CADPS: variants seen among roughly 807,000 people sequenced by gnomAD.
The protein encoded by CADPS is calcium dependent secretion activator, also known as calcium-dependent secretion activator 1.
Under a neutral mutation model 167.3 loss-of-function variants are expected in CADPS, and 57 were observed. That is an observed-to-expected ratio of 0.34 (90% confidence interval 0.28 to 0.42). The LOEUF is 0.42. Among genes scored for constraint, CADPS ranks in the 20% least tolerant of loss-of-function variants. CADPS has a pLI of 1.00. For synonymous variants in CADPS, 676 were observed against 635.3 expected (o/e 1.06, Z -0.96); for missense variants, 1,414 against 1,738.1 (o/e 0.81, Z 3.32).
chr3:62,468,187 A>C (rs1412928199), intron 24 of CADPS, among the ~76,000 whole-genome samples: 4 of 152,174 alleles, frequency 2.6e-5, no homozygotes, highest in Non-Finnish European at 5.9e-5. Flanking sequence ...GAGCAAAAGA[A>C]TTCAGGAAAA....
intron 3 of CADPS, among the ~76,000 whole-genome samples, chr3:62,721,306 G>C (rs1171733852): frequency 6.6e-6 from 1 of 151,902 alleles, no homozygotes; most frequent in Admixed American, 6.6e-5. Context: ...ACCCCTAACT[G>C]CATGTGCCTA....
At chr3:62,674,375 G>T (rs933605684) in intron 3 of CADPS, among the ~76,000 whole-genome samples, 5 of 152,100 alleles carry the variant, frequency 3.3e-5, no homozygotes, top group African/African-American at 9.7e-5. Flanking sequence ...AGTACCTGGT[G>T]GAAACTGGGT....
chr3:62,721,112 C>T lies in CADPS; in HGVS notation c.888+32329G>A, dbSNP rs186887911. Among the ~76,000 whole-genome samples the T allele has an allele frequency of 8.2e-3, 871 of 106,324 alleles. 4 individuals are homozygous for T. The highest frequency in any genetic ancestry group is 0.013 in the Non-Finnish European group (606 of 48,036). The allele number at this position is 106,324 out of a possible 152,430, so 69.8% of individuals were successfully genotyped here. On this transcript the variant is annotated intron_variant, in intron 3 of 29. Transcript: ENST00000383710. ...AATTACAGGTGTGAGCCACCGTGCC[C>T]GGCAGGTTTTTTTTTTTTTTTTAAA...
Position 62,765,416 on chromosome 3 carries a change from G to C in CADPS, c.555+455C>G, listed in dbSNP as rs571831377. 1.2e-4 allele frequency among the ~76,000 whole-genome samples: 18 copies of C among 152,150 alleles called. No homozygotes were observed. In the South Asian group the frequency reaches 1.7e-3, roughly 14 times the overall value. ...GCAGCATTTTTAAAAAAAGAATAAGGAAGTTCATGAAGCCACCATCCTTGG... is the reference window on the plus strand; with the variant it reads ...GCAGCATTTTTAAAAAAAGAATAAGCAAGTTCATGAAGCCACCATCCTTGG... On this transcript the variant is annotated intron_variant, in intron 2 of 29. Transcript: ENST00000383710.
intron 9 of CADPS, among the ~76,000 whole-genome samples, chr3:62,563,182 A>G (rs996996522): frequency 6.6e-6 from 1 of 151,322 alleles, no homozygotes; most frequent in Non-Finnish European, 1.5e-5. Context: ...ACCAGACTAT[A>G]TCTGATAACC....
In CADPS at chr3:62,731,856, G is replaced by GGAAA. The variant is rs551510392; in HGVS notation, c.888+21581_888+21584dup. 1.5e-3 allele frequency among the ~76,000 whole-genome samples: 184 copies of GGAAA among 119,562 alleles called. No individual in the cohort carries two copies. The Middle Eastern group carries it at 0.025, about 16-fold the overall frequency. The allele number at this position is 119,562 out of a possible 152,430, so 78.4% of individuals were successfully genotyped here. On this transcript the variant is annotated intron_variant, in intron 3 of 29. Coordinates refer to ENST00000383710, the MANE Select transcript of CADPS (RefSeq NM_003716.4). ...GTAAAGAAGGAAGAAAGGAAAGAAA[G>GGAAA]GAAAGAAAGGGTAATTCGTGCTGAA...
intron 13 of CADPS, among the ~76,000 whole-genome samples, chr3:62,519,732 G>A (rs1438346360): frequency 6.6e-6 from 1 of 152,062 alleles, no homozygotes; most frequent in Non-Finnish European, 1.5e-5. Flanking sequence ...TGATTCTTCT[G>A]CCTCAGCCTC....
Position 62,578,311 on chromosome 3 carries a change from C to T in CADPS, c.1577+6874G>A, listed in dbSNP as rs148964026. 4.6e-3 allele frequency among the ~76,000 whole-genome samples: 703 copies of T among 151,416 alleles called. 1 individual carries two copies. The highest frequency in any genetic ancestry group is 0.016 in the African/African-American group (641 of 41,254). ...ATTTCATAATGTAAAAGGAGTAAGT[C>T]AATCAAGAAGACATAACAGCCGGGT... is the stretch of plus-strand genomic sequence containing the variant. On this transcript the variant is annotated intron_variant, in intron 8 of 29. Coordinates refer to ENST00000383710, the MANE Select transcript of CADPS (RefSeq NM_003716.4).
At chr3:62,403,632 A>C (rs1350859647) in intron 28 of CADPS, 1 of 152,654 alleles carries the variant, frequency 6.6e-6, no homozygotes, top group African/African-American at 2.4e-5. Context: ...TGAAAATTCC[A>C]CACCCTGTCT....
At chr3:62,594,150 T>A (rs1234503501) in intron 6 of CADPS, among the ~76,000 whole-genome samples, 2 of 144,562 alleles carry the variant, frequency 1.4e-5, no homozygotes, top group Middle Eastern at 3.7e-3. Context: ...TTTATTTTTT[T>A]TATTTTTTTT....
At chr3:62,505,087 A>G (rs1466154809) in intron 17 of CADPS, among the ~76,000 whole-genome samples, 1 of 152,218 alleles carries the variant, frequency 6.6e-6, no homozygotes, top group Non-Finnish European at 1.5e-5. Flanking sequence ...GGGGGTAGAT[A>G]AAAGCTCAAG....
chr3:62,854,802 TAG>T (rs1031158212), intron 1 of CADPS, among the ~76,000 whole-genome samples: 34 of 151,982 alleles, frequency 2.2e-4, no homozygotes, highest in African/African-American at 7.7e-4. Flanking sequence ...AAAATTAAAA[TAG>T]AGATGGAGTG....
At chr3:62,536,133 T>C (rs1198389350) in intron 12 of CADPS, 1 of 244,092 alleles carries the variant, frequency 4.1e-6, no homozygotes, top group Admixed American at 5.0e-5. Flanking sequence ...GAGGCAATTT[T>C]TACAAGTTCT....
chr3:62,527,498 T>C (rs1013065415), intron 13 of CADPS, among the ~76,000 whole-genome samples: 3 of 152,180 alleles, frequency 2.0e-5, no homozygotes, highest in South Asian at 2.1e-4. Flanking sequence ...ATTCTAAAAA[T>C]GCCAAACATG....
chr3:62,635,044 T>C (rs1424505646), intron 6 of CADPS, among the ~76,000 whole-genome samples: 1 of 152,216 alleles, frequency 6.6e-6, no homozygotes, highest in Middle Eastern at 3.2e-3. Flanking sequence ...TGACAAAAAT[T>C]ACACACTAAG....
chr3:62,510,029 T>G (rs1190500211), intron 17 of CADPS, among the ~76,000 whole-genome samples: 2 of 152,178 alleles, frequency 1.3e-5, no homozygotes, highest in Admixed American at 6.5e-5. Context: ...CAGAAGCCCT[T>G]AGCACAGGGC....
intron 3 of CADPS, among the ~76,000 whole-genome samples, chr3:62,725,951 T>C (rs531399948): frequency 1.5e-4 from 23 of 151,898 alleles, no homozygotes; most frequent in Non-Finnish European, 2.8e-4. Flanking sequence ...GTCACATTGC[T>C]AGAACCTGCC....
chr3:62,832,658 T>C (rs1011628907), intron 1 of CADPS, among the ~76,000 whole-genome samples: 5 of 152,242 alleles, frequency 3.3e-5, no homozygotes, highest in South Asian at 2.1e-4. Context: ...TATTTAACGC[T>C]GCCTCTCCTC....
At chr3:62,801,750 G>C (rs144046029) in intron 1 of CADPS, among the ~76,000 whole-genome samples, 2 of 151,748 alleles carry the variant, frequency 1.3e-5, no homozygotes, top group African/African-American at 4.8e-5. Context: ...CCCGTTTTAC[G>C]GATTAAAAAA....
Sources: allele counts gnomAD v4.1 joint callset (sites outside exome capture counted in the v4.1 genomes callset), GRCh38; gene constraint gnomAD v4.1.1; transcripts MANE v1.5; gene names NCBI Gene and HGNC (gene_info 2026-07-23, HGNC 2026-07-21).